PBRM1: variants seen among roughly 807,000 people sequenced by gnomAD.
PBRM1 encodes protein polybromo-1.
PBRM1 carries 27 observed loss-of-function variants against 194.5 expected under a neutral mutation model. That is an observed-to-expected ratio of 0.14 (90% CI 0.10 to 0.19). The LOEUF is 0.19. Ranked by LOEUF, PBRM1 falls within the 10% of genes least tolerant of loss-of-function variation. PBRM1 has a pLI of 1.00. For synonymous variants in PBRM1, 655 were observed against 693.2 expected (o/e 0.94, Z 0.87); for missense variants, 1,466 against 2,077.2 (o/e 0.71, Z 5.72).
At chr3:52,564,927 A>C (rs905173194) in intron 22 of PBRM1, among the ~76,000 whole-genome samples, 1 of 152,110 alleles carries the variant, frequency 6.6e-6, no homozygotes, top group Non-Finnish European at 1.5e-5. Context: ...GGCCAGGCGC[A>C]GTGGCTCATG....
chr3:52,626,718 A>G (rs1031857786), intron 13 of PBRM1, among the ~76,000 whole-genome samples: 1 of 152,208 alleles, frequency 6.6e-6, no homozygotes, highest in Admixed American at 6.5e-5. Context: ...AGGGAAGTTG[A>G]GAGAAAGGTT....
chr3:52,623,223 G>A (rs1380936285), intron 13 of PBRM1, among the ~76,000 whole-genome samples: 1 of 152,162 alleles, frequency 6.6e-6, no homozygotes, highest in Non-Finnish European at 1.5e-5. Context: ...AGGAGTTTGA[G>A]GCTACAATGT....
chr3:52,609,313 C>T lies in PBRM1; in HGVS notation c.2567G>A (p.Arg856Gln), dbSNP rs1457764063. ...AATAAAAATGGCTTTGAAAACATAC[C>T]GATTCATCCTTCTTGCTCGTTCCAA... The change falls in exon 16 of 30, where the codon CGG becomes CAG. Residue 856 changes from arginine to glutamine, a missense_variant and splice_region_variant. This residue lies in a region of PBRM1 where 687 missense variants were observed against 946.2 expected (regional missense o/e 0.73). Coordinates refer to ENST00000296302, the Ensembl canonical transcript of PBRM1. This position sits in a 1 kb window ranked among gnomAD's most constrained non-coding sequence, Gnocchi z 4.1. 3 of 1,605,434 alleles carry T rather than the reference C, an allele frequency of 1.9e-6. No individual in the cohort carries two copies. The highest frequency in any genetic ancestry group is 2.2e-5 in the East Asian group (1 of 44,804).
At chr3:52,674,627 CAAAAAAA>C (rs869059650) in intron 2 of PBRM1, among the ~76,000 whole-genome samples, 2 of 109,106 alleles carry the variant, frequency 1.8e-5, no homozygotes, top group African/African-American at 9.5e-5. Context: ...CTGTCTCTAC[CAAAAAAA>C]AAAAAAAAAA....
At chr3:52,576,786 G>A (rs2089718315) in intron 21 of PBRM1, 88 bp from the exon 24 acceptor site, 1 of 963,778 alleles carries the variant, frequency 1.0e-6, no homozygotes. Flanking sequence ...CAAAAACTTA[G>A]TAATGTGTAC....
chr3:52,617,346 G>A (rs1280392336), exon 14 of PBRM1: 1 of 1,613,686 alleles, frequency 6.2e-7, no homozygotes, highest in Admixed American at 1.7e-5. Flanking sequence ...CAGCATATTT[G>A]TCATTGCGGA....
At chr3:52,568,070 C>T (rs982221449) in intron 22 of PBRM1, among the ~76,000 whole-genome samples, 5 of 152,260 alleles carry the variant, frequency 3.3e-5, no homozygotes, top group African/African-American at 1.2e-4. Flanking sequence ...CCTCTGCCTC[C>T]TGGGTTCAAG....
At chr3:52,569,730 GTTAAGT>G (rs1186861516) in intron 22 of PBRM1, among the ~76,000 whole-genome samples, 1 of 152,156 alleles carries the variant, frequency 6.6e-6, no homozygotes, top group African/African-American at 2.4e-5. Flanking sequence ...GGCATATCTT[GTTAAGT>G]TTATCTAAGG....
At chr3:52,559,413 C>T (rs2082924037) in intron 25 of PBRM1, among the ~76,000 whole-genome samples, 1 of 152,098 alleles carries the variant, frequency 6.6e-6, no homozygotes, top group Non-Finnish European at 1.5e-5. Flanking sequence ...ATTTCCAAAG[C>T]TCCCACCATA....
intron 5 of PBRM1, among the ~76,000 whole-genome samples, chr3:52,654,589 T>C (rs965366425): frequency 2.6e-5 from 4 of 152,108 alleles, no homozygotes; most frequent in Non-Finnish European, 4.4e-5. Context: ...AATAGAAACC[T>C]GCTTTTCCCA....
intron 29 of PBRM1, among the ~76,000 whole-genome samples, chr3:52,548,966 TGAA>T (rs1334869503): frequency 6.6e-6 from 1 of 151,934 alleles, no homozygotes; most frequent in African/African-American, 2.4e-5. Context: ...TTGAACTAAA[TGAA>T]TAGCCTAATC....
chr3:52,644,936 C>T (rs2096245196), intron 7 of PBRM1, 147 bp from the exon 9 acceptor site: 1 of 477,842 alleles, frequency 2.1e-6, no homozygotes, highest in Non-Finnish European at 3.7e-6. Context: ...CATCCTCCAA[C>T]ATTTCTACAA....
At chr3:52,581,591 T>C (rs2091210965) in intron 20 of PBRM1, among the ~76,000 whole-genome samples, 1 of 151,160 alleles carries the variant, frequency 6.6e-6, no homozygotes, top group Non-Finnish European at 1.5e-5. Flanking sequence ...AAACAACCCA[T>C]GAGATTAATA....
rs35249778 is a variant in PBRM1 at position 52,627,624 on chromosome 3, G to C, written c.1444-254C>G. ...CAGCAGAGCATTTATGACTATAATG[G>C]GTGCTAACTGGTTAAAAGCACTGAG... On this transcript the variant is annotated intron_variant, in intron 12 of 29. Transcript: ENST00000296302. Among the ~76,000 whole-genome samples the C allele has an allele frequency of 0.34, 52,072 of 152,036 alleles. 9,921 individuals carry two copies. Among genetic ancestry groups the C allele is most frequent in the Admixed American group, 0.46 (7,058 of 15,254 alleles).
At position 52,634,967 on chromosome 3, in the gene PBRM1, C is replaced by T. The variant is rs2095752951; in HGVS notation, c.1088-152G>A. The T allele has an allele frequency of 4.6e-6, 3 of 652,568 alleles. No individual in the cohort carries two copies. The South Asian group carries it at 6.1e-5, about 13-fold the overall frequency. The allele number at this position is 652,568 out of a possible 1,614,324, so 40.4% of individuals were successfully genotyped here. On this transcript the variant is annotated intron_variant, in intron 10 of 29. Transcript: ENST00000296302. ...TTGAGACAGGGTCTGGCTTTGTCAC[C>T]CAGGCTGGAGTGCAAGGGTGCGATC...
At chr3:52,643,121 A>G in intron 9 of PBRM1, 127 bp downstream of exon 10, 1 of 720,412 alleles carries the variant, frequency 1.4e-6, no homozygotes, top group Non-Finnish European at 2.5e-6. Context: ...ACCATTTGAC[A>G]ACAGATTCTC....
intron 17 of PBRM1, 46 bp downstream of exon 19, chr3:52,603,475 A>C (rs747105932): frequency 1.3e-6 from 2 of 1,556,952 alleles, no homozygotes; most frequent in South Asian, 2.3e-5. Flanking sequence ...GAACACCTAG[A>C]AGACAGTGCA....
At chr3:52,607,055 G>A (rs1234421200) in intron 16 of PBRM1, among the ~76,000 whole-genome samples, 1 of 152,078 alleles carries the variant, frequency 6.6e-6, no homozygotes, top group Non-Finnish European at 1.5e-5. Context: ...AGATCAACAT[G>A]GAAATCTACG....
intron 2 of PBRM1, among the ~76,000 whole-genome samples, chr3:52,673,927 T>C (rs1190322243): frequency 6.6e-6 from 1 of 151,490 alleles, no homozygotes; most frequent in Admixed American, 6.6e-5. Flanking sequence ...GGCACACGCC[T>C]GTAATCCCAG....
Sources: allele counts gnomAD v4.1 joint callset (sites outside exome capture counted in the v4.1 genomes callset), GRCh38; gene constraint gnomAD v4.1.1; regional missense constraint gnomAD v4.1.1; non-coding constraint Gnocchi (gnomAD v3.1); transcripts MANE v1.5; gene names NCBI Gene and HGNC (gene_info 2026-07-23, HGNC 2026-07-21).